PTK2: variants seen among roughly 807,000 people sequenced by gnomAD.
PTK2 encodes the protein protein tyrosine kinase 2, also known as focal adhesion kinase 1.
In PTK2, 45 loss-of-function variants were observed where a neutral mutation model predicts 150.1. The ratio of observed to expected loss-of-function variants is 0.30; its 90% confidence interval spans 0.24 to 0.38. The LOEUF (loss-of-function observed/expected upper bound fraction) is 0.38. Ranked by LOEUF, PTK2 falls within the 10% of genes least tolerant of loss-of-function variation. PTK2 has a pLI of 1.00. For synonymous variants in PTK2, 432 were observed against 449.2 expected, an observed-to-expected ratio of 0.96 and a Z score of 0.48; for missense variants, 919 against 1,307.3, an observed-to-expected ratio of 0.70 and a Z score of 4.58.
intron 31 of PTK2, chr8:140,660,540 ATGGTG>A (rs2078044226): frequency 2.2e-6 from 1 of 447,220 alleles, no homozygotes; most frequent in Non-Finnish European, 4.5e-6. Flanking sequence ...CCTGGGCAAC[ATGGTG>A]AAACCCCATC....
At chr8:140,841,218 A>T (rs2100122150) in intron 7 of PTK2, among the ~76,000 whole-genome samples, 1 of 152,146 alleles carries the variant, frequency 6.6e-6, no homozygotes, top group African/African-American at 2.4e-5. Flanking sequence ...ATACAACAAA[A>T]TGTTAATAAC....
At chr8:140,942,425 C>T (rs911888917) in intron 1 of PTK2, among the ~76,000 whole-genome samples, 1 of 152,090 alleles carries the variant, frequency 6.6e-6, no homozygotes, top group Non-Finnish European at 1.5e-5. Flanking sequence ...TTATAATATA[C>T]AATCTCATTA....
At chr8:140,732,467 G>C (rs2100050030) in intron 22 of PTK2, 5 of 470,694 alleles carry the variant, frequency 1.1e-5, no homozygotes, top group Non-Finnish European at 2.1e-5. Context: ...TTAGTATTAA[G>C]AATCACTCAT....
intron 2 of PTK2, among the ~76,000 whole-genome samples, chr8:140,924,115 G>A (rs1302211341): frequency 1.3e-5 from 2 of 152,014 alleles, no homozygotes. Flanking sequence ...TAGTTTCCTT[G>A]GCACAACCAC....
intron 22 of PTK2, among the ~76,000 whole-genome samples, chr8:140,730,098 A>C (rs2100048326): frequency 6.6e-6 from 1 of 152,204 alleles, no homozygotes; most frequent in African/African-American, 2.4e-5. Context: ...TGGTTCTAAA[A>C]ATATTCCTAA....
chr8:140,687,108 A>G (rs998267743), intron 26 of PTK2: 1 of 182,810 alleles, frequency 5.5e-6, no homozygotes, highest in Non-Finnish European at 1.1e-5. Flanking sequence ...TTCAATTACA[A>G]GACTGTTTTC....
chr8:140,849,238 G>A (rs948292933), intron 5 of PTK2, among the ~76,000 whole-genome samples: 4 of 152,076 alleles, frequency 2.6e-5, no homozygotes, highest in South Asian at 2.1e-4. Flanking sequence ...CCACAGACCC[G>A]TGTCCTCCCC....
At chr8:140,943,512 T>G (rs2100176573) in intron 1 of PTK2, among the ~76,000 whole-genome samples, 1 of 152,152 alleles carries the variant, frequency 6.6e-6, no homozygotes, top group African/African-American at 2.4e-5. Flanking sequence ...TCTCCAGTGA[T>G]TACGAATAAA....
intron 2 of PTK2, among the ~76,000 whole-genome samples, chr8:140,917,126 C>G (rs2100165568): frequency 6.6e-6 from 1 of 152,168 alleles, no homozygotes; most frequent in South Asian, 2.1e-4. Flanking sequence ...TGTGGTGGCT[C>G]ACACCTGTAA....
exon 22 of PTK2, chr8:140,735,315 T>C (rs2100051983): frequency 6.2e-7 from 1 of 1,613,986 alleles, no homozygotes; most frequent in Admixed American, 1.7e-5. Context: ...CAGCATTTCG[T>C]CATAAGGCTG....
At chr8:140,881,185 G>C (rs139507792) in intron 3 of PTK2, among the ~76,000 whole-genome samples, 1 of 152,282 alleles carries the variant, frequency 6.6e-6, no homozygotes, top group East Asian at 1.9e-4. Context: ...CAGAATTCCT[G>C]ACAGGGCCAC....
chr8:140,719,887 CAAAAA>C (rs71308987), intron 22 of PTK2, among the ~76,000 whole-genome samples: 205 of 90,836 alleles, frequency 2.3e-3, no homozygotes, highest in Non-Finnish European at 3.7e-3. Flanking sequence ...CTTGTCTCAC[CAAAAA>C]AAAAAAAAAA....
intron 31 of PTK2, 125 bp from the exon 36 acceptor site, chr8:140,659,803 CCT>C: frequency 3.7e-6 from 3 of 800,152 alleles, no homozygotes; most frequent in Non-Finnish European, 5.9e-6. Context: ...AATCTTCCTG[CCT>C]CAGCCTTCCC....
At chr8:140,722,925 A>G (rs2100043798) in intron 22 of PTK2, among the ~76,000 whole-genome samples, 1 of 152,196 alleles carries the variant, frequency 6.6e-6, no homozygotes, top group South Asian at 2.1e-4. Context: ...ACTCAGTTTT[A>G]AATGGGTTCT....
chr8:140,680,598 A>T (rs1398064677), intron 27 of PTK2, among the ~76,000 whole-genome samples: 1 of 152,186 alleles, frequency 6.6e-6, no homozygotes, highest in African/African-American at 2.4e-5. Context: ...AACACAAAGA[A>T]TTTTCCTTAT....
chr8:140,982,395 G>A (rs974124649), intron 1 of PTK2, among the ~76,000 whole-genome samples: 2 of 152,318 alleles, frequency 1.3e-5, no homozygotes, highest in African/African-American at 4.8e-5. Context: ...TCAGGAGTTC[G>A]AGACCAGCCT....
In PTK2 at chr8:140,715,155, G is replaced by GT. The variant is rs67306225; in HGVS notation, c.2142+2442dup. ...AGATGATTTTCTAGCCATTAAAACC[G>GT]TTTTTTTTTTTTTTTTTTTTTTTTT... On this transcript the variant is annotated intron_variant, in intron 23 of 31. Transcript: ENST00000522684. Among the ~76,000 whole-genome samples, 268 of 56,010 alleles carry GT rather than the reference G, an allele frequency of 4.8e-3. 23 individuals are homozygous for GT. Among genetic ancestry groups the GT allele is most frequent in the Non-Finnish European group, 6.9e-3 (205 of 29,652 alleles). The allele number at this position is 56,010 out of a possible 152,430, so 36.7% of individuals were successfully genotyped here. A position where few individuals can be genotyped will look rare whatever the true frequency, so the allele number is the denominator to read the frequency against.
intron 22 of PTK2, among the ~76,000 whole-genome samples, chr8:140,726,889 G>A (rs2100046164): frequency 6.6e-6 from 1 of 152,066 alleles, no homozygotes; most frequent in Admixed American, 6.6e-5. Flanking sequence ...AATTTTGTGG[G>A]GTTAATGGCA....
intron 1 of PTK2, among the ~76,000 whole-genome samples, chr8:140,965,916 A>G (rs2154609513): frequency 6.6e-6 from 1 of 152,286 alleles, no homozygotes; most frequent in Non-Finnish European, 1.5e-5. Context: ...AACCTCTTTC[A>G]GCTCTGCAGC....
Sources: allele counts gnomAD v4.1 joint callset (sites outside exome capture counted in the v4.1 genomes callset), GRCh38; gene constraint gnomAD v4.1.1; transcripts MANE v1.5; gene names NCBI Gene and HGNC (gene_info 2026-07-23, HGNC 2026-07-21).